SPATA6: variants seen among roughly 807,000 people sequenced by gnomAD.
SPATA6 encodes the protein spermatogenesis associated 6, also known as spermatogenesis-associated protein 6.
SPATA6 carries 56 observed loss-of-function variants against 65.3 expected under a neutral mutation model. That is an observed-to-expected ratio of 0.86 (90% CI 0.69 to 1.07). SPATA6 has a LOEUF of 1.07. Among genes scored for constraint, SPATA6 ranks in the 50% least tolerant of loss-of-function variants. SPATA6 has a pLI of 0.00. For synonymous variants in SPATA6, 199 were observed against 213.2 expected (o/e 0.93, Z 0.58); for missense variants, 590 against 594.8 (o/e 0.99, Z 0.08).
At chr1:48,374,060 G>A (rs889582194) in intron 9 of SPATA6, among the ~76,000 whole-genome samples, 17 of 152,182 alleles carry the variant, frequency 1.1e-4, no homozygotes, top group African/African-American at 3.4e-4. Flanking sequence ...AGGCTTAGAA[G>A]TATGGGAAAG....
chr1:48,284,634 T>C, the SPATA6 span, among the ~76,000 whole-genome samples: 3 of 152,318 alleles, frequency 2.0e-5, no homozygotes, highest in African/African-American at 7.2e-5. Flanking sequence ...TCCTTTTTGT[T>C]GATGGTGATG....
intron 9 of SPATA6, among the ~76,000 whole-genome samples, chr1:48,362,685 T>A (rs1646851433): frequency 8.7e-6 from 1 of 115,384 alleles, no homozygotes; most frequent in Admixed American, 8.9e-5. Context: ...AGGAAAGACT[T>A]CTAATGGTCT....
chr1:48,436,961 C>T, intron 3 of SPATA6: 6 of 1,612,332 alleles, frequency 3.7e-6, no homozygotes, highest in South Asian at 2.2e-5. Flanking sequence ...CGATTACACA[C>T]ACCATCCTCA....
chr1:48,425,257 C>T (rs1262346108), intron 3 of SPATA6, among the ~76,000 whole-genome samples: 3 of 152,092 alleles, frequency 2.0e-5, no homozygotes, highest in African/African-American at 7.2e-5. Context: ...TATCTTTCCC[C>T]AGTGTTATGT....
At chr1:48,314,972 C>T (rs1410953113) in intron 11 of SPATA6, among the ~76,000 whole-genome samples, 1 of 152,162 alleles carries the variant, frequency 6.6e-6, no homozygotes, top group Non-Finnish European at 1.5e-5. Flanking sequence ...GACACATACA[C>T]CCTCCCAAGA....
At chr1:48,469,987 T>C (rs1420964855) in intron 1 of SPATA6, among the ~76,000 whole-genome samples, 1 of 152,182 alleles carries the variant, frequency 6.6e-6, no homozygotes, top group Non-Finnish European at 1.5e-5. Flanking sequence ...TAAAAAGGGA[T>C]TGAATCCAAT....
chr1:48,375,418 A>C (rs973574685), intron 9 of SPATA6, among the ~76,000 whole-genome samples: 1 of 152,202 alleles, frequency 6.6e-6, no homozygotes, highest in Non-Finnish European at 1.5e-5. Context: ...CCAGGCCCAA[A>C]GACTCACAGG....
At chr1:48,292,254 A>G (rs1644772845), downstream of SPATA6, among the ~76,000 whole-genome samples, 1 of 152,204 alleles carries the variant, frequency 6.6e-6, no homozygotes, top group Non-Finnish European at 1.5e-5. Flanking sequence ...ACTGAGTCTA[A>G]TGGCATGTGA....
intron 4 of SPATA6, among the ~76,000 whole-genome samples, 179 bp downstream of exon 4, chr1:48,412,931 A>G (rs1652387010): frequency 6.6e-6 from 1 of 151,740 alleles, no homozygotes; most frequent in African/African-American, 2.4e-5. Context: ...AAAAGATGAG[A>G]TTTTGAAGTA....
intron 11 of SPATA6, among the ~76,000 whole-genome samples, chr1:48,333,681 G>A (rs1408019929): frequency 6.6e-6 from 1 of 151,854 alleles, no homozygotes; most frequent in African/African-American, 2.4e-5. Context: ...TTAAATACCT[G>A]CATCAAAAAG....
At chr1:48,274,425 T>C in the SPATA6 span, among the ~76,000 whole-genome samples, 1 of 152,178 alleles carries the variant, frequency 6.6e-6, no homozygotes, top group African/African-American at 2.4e-5. Flanking sequence ...CAGACTTATG[T>C]CCTGAATGGT....
At chr1:48,314,736 A>T (rs1017399970) in intron 11 of SPATA6, among the ~76,000 whole-genome samples, 5 of 152,200 alleles carry the variant, frequency 3.3e-5, no homozygotes, top group Non-Finnish European at 5.9e-5. Flanking sequence ...CCCTTCAAAA[A>T]ATCAATGAAT....
chr1:48,308,558 A>T (rs1230361210), intron 11 of SPATA6, among the ~76,000 whole-genome samples: 1 of 152,130 alleles, frequency 6.6e-6, no homozygotes, highest in Non-Finnish European at 1.5e-5. Context: ...TTATTTCTTC[A>T]TGTGAATCTG....
At chr1:48,380,874 A>T (rs1037365336) in intron 9 of SPATA6, among the ~76,000 whole-genome samples, 24 of 152,200 alleles carry the variant, frequency 1.6e-4, no homozygotes, top group Non-Finnish European at 2.1e-4. Context: ...TATAAACACT[A>T]TACAGCAGCA....
chr1:48,448,268 A>C (rs58697708), intron 3 of SPATA6, among the ~76,000 whole-genome samples: 3,736 of 151,926 alleles, frequency 0.025, 105 homozygotes, highest in African/African-American at 0.067. Flanking sequence ...CTCAAAAAAA[A>C]AAAAAAAGGA....
At chr1:48,345,427 A>G (rs575798932) in intron 11 of SPATA6, among the ~76,000 whole-genome samples, 1 of 152,186 alleles carries the variant, frequency 6.6e-6, no homozygotes, top group South Asian at 2.1e-4. Flanking sequence ...TAACATCACA[A>G]CTAAAAGAAG....
chr1:48,419,672 G>A (rs1653137204), intron 3 of SPATA6, among the ~76,000 whole-genome samples: 1 of 152,134 alleles, frequency 6.6e-6, no homozygotes, highest in Non-Finnish European at 1.5e-5. Context: ...TTAGGACAGA[G>A]CACAATAAAC....
chr1:48,439,013 G>A (rs1031265945), intron 3 of SPATA6, among the ~76,000 whole-genome samples: 2 of 152,066 alleles, frequency 1.3e-5, no homozygotes, highest in African/African-American at 4.8e-5. Flanking sequence ...GAGAAATGAG[G>A]ACAAAAGGCA....
At chr1:48,349,518 T>C (rs7540379) in intron 11 of SPATA6, among the ~76,000 whole-genome samples, 2,240 of 152,040 alleles carry the variant, frequency 0.015, 47 homozygotes, top group African/African-American at 0.05. Context: ...CTTTTAATTT[T>C]CATATAGTAA....
Sources: gnomAD v4.1 joint callset for allele counts (sites outside exome capture counted in the v4.1 genomes callset) on GRCh38, gnomAD v4.1.1 for gene constraint, MANE v1.5 for transcripts, NCBI Gene and HGNC (gene_info 2026-07-23, HGNC 2026-07-21) for gene names.